Variants in RMDN2 observed in about 807,000 individuals in gnomAD.
The protein encoded by RMDN2 is regulator of microtubule dynamics protein 2.
In RMDN2, 61 loss-of-function variants were observed where a neutral mutation model predicts 52.8. That is an observed-to-expected ratio of 1.16 (90% CI 0.94 to 1.43). The LOEUF (loss-of-function observed/expected upper bound fraction) is 1.43. Among genes scored for constraint, RMDN2 ranks in the 40% most tolerant of loss-of-function variants. The pLI is 0.00. For synonymous variants in RMDN2, 180 were observed against 153.1 expected (o/e 1.18, Z -1.30); for missense variants, 592 against 475.3 (o/e 1.25, Z -2.28).
intron 10 of RMDN2, among the ~76,000 whole-genome samples, chr2:38,041,427 G>GTT (rs3057329): frequency 0.024 from 2,896 of 120,028 alleles, 173 homozygotes; most frequent in African/African-American, 0.074. Context: ...TTTTTTATTG[G>GTT]TTTTTTTTTT....
At chr2:37,924,771 C>A (rs1013869202), upstream of RMDN2, among the ~76,000 whole-genome samples, 1 of 152,226 alleles carries the variant, frequency 6.6e-6, no homozygotes, top group Admixed American at 6.5e-5. Context: ...CGGCTTTCAT[C>A]TAAAGGCAAC....
At chr2:37,956,797 C>T (rs1419591675) in intron 2 of RMDN2, among the ~76,000 whole-genome samples, 1 of 151,908 alleles carries the variant, frequency 6.6e-6, no homozygotes, top group African/African-American at 2.4e-5. Context: ...CTAACGCTAC[C>T]CCTCCCCTTG....
At chr2:38,038,178 G>A (rs1425778814) in intron 10 of RMDN2, among the ~76,000 whole-genome samples, 1 of 152,108 alleles carries the variant, frequency 6.6e-6, no homozygotes, top group South Asian at 2.1e-4. Context: ...TCAAGCCCAG[G>A]GGAGGGCTTC....
At chr2:38,065,745 C>T (rs1682248833) in intron 10 of RMDN2, among the ~76,000 whole-genome samples, 1 of 152,212 alleles carries the variant, frequency 6.6e-6, no homozygotes. Context: ...GGCCCTGGCT[C>T]CAACAAGGAA....
chr2:37,970,604 C>T (rs956493799), intron 2 of RMDN2, among the ~76,000 whole-genome samples: 1 of 151,968 alleles, frequency 6.6e-6, no homozygotes, highest in Non-Finnish European at 1.5e-5. Flanking sequence ...TTTGAATAAG[C>T]CTAATTATTT....
intron 10 of RMDN2, among the ~76,000 whole-genome samples, chr2:38,024,202 G>T (rs556755316): frequency 6.6e-5 from 10 of 152,066 alleles, no homozygotes; most frequent in African/African-American, 2.2e-4. Context: ...ATAGACATTT[G>T]GCCTGTTTCC....
intron 7 of RMDN2, among the ~76,000 whole-genome samples, chr2:37,994,431 A>G (rs1009449799): frequency 2.0e-5 from 3 of 152,202 alleles, no homozygotes; most frequent in African/African-American, 7.2e-5. Flanking sequence ...AACATTACCT[A>G]TGCTAATTAC....
At chr2:38,031,344 G>C (rs1388704565) in intron 10 of RMDN2, among the ~76,000 whole-genome samples, 3 of 140,594 alleles carry the variant, frequency 2.1e-5, no homozygotes, top group African/African-American at 8.0e-5. Context: ...TGCAATCATA[G>C]CTCACTGCAG....
intron 10 of RMDN2, among the ~76,000 whole-genome samples, chr2:38,024,940 C>G (rs1483210441): frequency 6.6e-6 from 1 of 152,020 alleles, no homozygotes; most frequent in African/African-American, 2.4e-5. Flanking sequence ...ATGTAGTTTT[C>G]TAGATTTGAA....
chr2:38,061,659 A>ACATACACACATACACC (rs1682058067), intron 10 of RMDN2, among the ~76,000 whole-genome samples: 1 of 151,836 alleles, frequency 6.6e-6, no homozygotes, highest in Non-Finnish European at 1.5e-5. Flanking sequence ...ACACATACAC[A>ACATACACACATACACC]CATATACCAC....
intron 10 of RMDN2, among the ~76,000 whole-genome samples, chr2:38,048,605 A>C (rs1161789982): frequency 1.3e-5 from 2 of 152,228 alleles, no homozygotes; most frequent in Admixed American, 1.3e-4. Flanking sequence ...CTACCTCTGT[A>C]AACAGAAACC....
chr2:37,966,234 C>T (rs916767745), intron 2 of RMDN2, among the ~76,000 whole-genome samples: 9 of 152,082 alleles, frequency 5.9e-5, no homozygotes, highest in East Asian at 1.9e-4. Context: ...CTGGCTAACA[C>T]GGTGAAACCC....
At chr2:38,044,719 T>A (rs1477563735) in intron 10 of RMDN2, among the ~76,000 whole-genome samples, 1 of 152,156 alleles carries the variant, frequency 6.6e-6, no homozygotes, top group African/African-American at 2.4e-5. Flanking sequence ...TACAGCATTT[T>A]TGATTTCTGG....
At chr2:37,947,507 G>T (rs560812418) in intron 2 of RMDN2, among the ~76,000 whole-genome samples, 5 of 152,182 alleles carry the variant, frequency 3.3e-5, no homozygotes, top group African/African-American at 1.2e-4. Context: ...TGTCATCTGA[G>T]TAACAAACTA....
chr2:38,022,318 C>A (rs772855907), downstream of RMDN2, among the ~76,000 whole-genome samples: 1 of 152,190 alleles, frequency 6.6e-6, no homozygotes, highest in Admixed American at 6.5e-5. Context: ...GAATTTCACA[C>A]AAAGTGAGCC....
intron 2 of RMDN2, among the ~76,000 whole-genome samples, chr2:37,939,469 T>G (rs1298502605): frequency 6.6e-6 from 1 of 152,118 alleles, no homozygotes; most frequent in Non-Finnish European, 1.5e-5. Context: ...TCTCGTTGAT[T>G]TGTCTAATAT....
At chr2:37,946,774 T>C (rs986770270) in intron 2 of RMDN2, among the ~76,000 whole-genome samples, 9 of 152,256 alleles carry the variant, frequency 5.9e-5, no homozygotes, top group Admixed American at 4.6e-4. Flanking sequence ...GGTGATTGAA[T>C]TGATCCAGAT....
chr2:38,061,669 CTT>C (rs2125308791), intron 10 of RMDN2, among the ~76,000 whole-genome samples: 1 of 51,058 alleles, frequency 2.0e-5, no homozygotes, highest in South Asian at 7.1e-4. Flanking sequence ...ACATATACCA[CTT>C]ATAATTAACT....
intron 10 of RMDN2, among the ~76,000 whole-genome samples, chr2:38,024,396 A>G (rs1679619124): frequency 6.6e-6 from 1 of 152,182 alleles, no homozygotes; most frequent in Non-Finnish European, 1.5e-5. Context: ...CATTCTCACC[A>G]ACAGCGTCTG....
Sources: gnomAD v4.1 joint callset for allele counts (sites outside exome capture counted in the v4.1 genomes callset) on GRCh38, gnomAD v4.1.1 for gene constraint, MANE v1.5 for transcripts, NCBI Gene and HGNC (gene_info 2026-07-23, HGNC 2026-07-21) for gene names.